The following DPP10 variants were observed in gnomAD, a reference collection of about 807,000 sequenced individuals.
The protein encoded by DPP10 is inactive dipeptidyl peptidase 10.
In DPP10, 33 loss-of-function variants were observed where a neutral mutation model predicts 120.9. The observed-to-expected ratio is 0.27, with a 90% CI of 0.21 to 0.37. The LOEUF (loss-of-function observed/expected upper bound fraction) is 0.37. DPP10 is among the 10% of genes least tolerant of loss of function. The probability of loss-of-function intolerance (pLI) is 1.00; values close to 1 mark genes in which losing one functional copy is unlikely to be tolerated. For missense variants in DPP10, 816 were observed against 942.8 expected, an observed-to-expected ratio of 0.87 and a Z score of 1.76; for synonymous variants, 337 against 326.1, an observed-to-expected ratio of 1.03 and a Z score of -0.36.
At chr2:115,553,941 T>G (rs532466931) in intron 5 of DPP10, among the ~76,000 whole-genome samples, 1 of 151,294 alleles carries the variant, frequency 6.6e-6, no homozygotes, top group Non-Finnish European at 1.5e-5. Flanking sequence ...AAGTGAATAC[T>G]GGAGAGGGCC....
intron 1 of DPP10, among the ~76,000 whole-genome samples, chr2:114,722,542 C>T (rs1018798328): frequency 4.0e-5 from 6 of 151,710 alleles, no homozygotes; most frequent in Non-Finnish European, 8.8e-5. Flanking sequence ...TTTGGGAGGC[C>T]GAGGCGGGTG....
intron 1 of DPP10, among the ~76,000 whole-genome samples, chr2:114,861,257 G>A (rs1240108650): frequency 1.3e-5 from 2 of 152,164 alleles, no homozygotes; most frequent in Non-Finnish European, 2.9e-5. Flanking sequence ...TCACAAGCAG[G>A]TGGGCACAGA....
At chr2:115,379,826 G>C (rs1023979046) in intron 3 of DPP10, among the ~76,000 whole-genome samples, 3 of 152,184 alleles carry the variant, frequency 2.0e-5, no homozygotes. Context: ...TAGTCATTCA[G>C]GAGCAGGTTC....
At chr2:114,907,047 C>G (rs1237210720) in intron 1 of DPP10, among the ~76,000 whole-genome samples, 1 of 151,974 alleles carries the variant, frequency 6.6e-6, no homozygotes, top group Non-Finnish European at 1.5e-5. Flanking sequence ...TTTCTTGAAT[C>G]AGTCTTGGTA....
chr2:114,716,095 C>T (rs983593953), intron 1 of DPP10, among the ~76,000 whole-genome samples: 3 of 149,442 alleles, frequency 2.0e-5, no homozygotes, highest in African/African-American at 7.3e-5. Flanking sequence ...TTTAGAAAAT[C>T]AGTCAATCAG....
At chr2:114,589,666 A>C (rs1390766590) in intron 1 of DPP10, among the ~76,000 whole-genome samples, 2 of 152,220 alleles carry the variant, frequency 1.3e-5, no homozygotes, top group Non-Finnish European at 2.9e-5. Context: ...TAATACATTG[A>C]ATAATTATCT....
At chr2:114,572,979 CTTTG>C (rs959534673) in intron 1 of DPP10, among the ~76,000 whole-genome samples, 15 of 152,208 alleles carry the variant, frequency 9.9e-5, no homozygotes, top group African/African-American at 2.2e-4. Flanking sequence ...TTCATTTAGT[CTTTG>C]TTTGTTTGTT....
chr2:115,330,519 T>A (rs1447764937), intron 2 of DPP10, among the ~76,000 whole-genome samples: 2 of 151,952 alleles, frequency 1.3e-5, no homozygotes, highest in African/African-American at 4.8e-5. Context: ...CATGCCTATG[T>A]ACTGAATGGT....
chr2:115,680,809 A>G (rs2090600836), intron 5 of DPP10, among the ~76,000 whole-genome samples: 1 of 151,984 alleles, frequency 6.6e-6, no homozygotes. Context: ...ACATAAAAAC[A>G]AAGTTATAAT....
At chr2:115,658,214 G>A (rs2088573475) in intron 5 of DPP10, among the ~76,000 whole-genome samples, 1 of 151,928 alleles carries the variant, frequency 6.6e-6, no homozygotes, top group Non-Finnish European at 1.5e-5. Flanking sequence ...AAAGAGAACT[G>A]CAGCTGCATA....
intron 5 of DPP10, among the ~76,000 whole-genome samples, chr2:115,528,830 A>G (rs2078287399): frequency 6.6e-6 from 1 of 152,106 alleles, no homozygotes; most frequent in Admixed American, 6.6e-5. Flanking sequence ...GAAATGAAGA[A>G]GAGATTAGTA....
intron 4 of DPP10, among the ~76,000 whole-genome samples, chr2:115,506,742 C>A (rs1403592870): frequency 1.3e-5 from 2 of 151,918 alleles, no homozygotes. Context: ...AGATATTGAT[C>A]TATCTATATC....
At chr2:115,672,646 C>CTTTCTT (rs1413427509) in intron 5 of DPP10, among the ~76,000 whole-genome samples, 2 of 21,580 alleles carry the variant, frequency 9.3e-5, no homozygotes, top group South Asian at 1.3e-3. Flanking sequence ...CTTTCTTTCT[C>CTTTCTT]TCTCTCTTTC....
At chr2:115,749,637 T>C (rs1489654539) in intron 10 of DPP10, among the ~76,000 whole-genome samples, 1 of 152,216 alleles carries the variant, frequency 6.6e-6, no homozygotes, top group Non-Finnish European at 1.5e-5. Flanking sequence ...ATAACCCTTC[T>C]GACAAGTAAT....
intron 1 of DPP10, among the ~76,000 whole-genome samples, chr2:114,965,617 G>C (rs937388607): frequency 5.3e-5 from 8 of 151,476 alleles, no homozygotes; most frequent in Non-Finnish European, 2.9e-5. Context: ...ACCTTCAAGG[G>C]AGTAAGTATG....
At chr2:115,446,667 T>C (rs969373810) in intron 3 of DPP10, among the ~76,000 whole-genome samples, 5 of 152,062 alleles carry the variant, frequency 3.3e-5, no homozygotes, top group Admixed American at 3.3e-4. Flanking sequence ...CCATATATCT[T>C]CCTGAAGCTG....
chr2:115,619,174 G>A (rs896249507), intron 5 of DPP10, among the ~76,000 whole-genome samples: 15 of 140,604 alleles, frequency 1.1e-4, no homozygotes, highest in South Asian at 2.2e-4. Context: ...GTGCAGTAGC[G>A]TGATCTCGGC....
intron 2 of DPP10, among the ~76,000 whole-genome samples, chr2:115,335,296 C>T (rs2106203637): frequency 6.6e-6 from 1 of 151,838 alleles, no homozygotes; most frequent in Non-Finnish European, 1.5e-5. Flanking sequence ...AGGGACATAG[C>T]CAAACCATAT....
intron 1 of DPP10, among the ~76,000 whole-genome samples, chr2:114,558,802 A>T (rs1688526953): frequency 6.6e-6 from 1 of 152,252 alleles, no homozygotes; most frequent in African/African-American, 2.4e-5. Context: ...TGCTATAAGC[A>T]TCTGGGGGCT....
Sources: allele counts gnomAD v4.1 joint callset (sites outside exome capture counted in the v4.1 genomes callset), GRCh38; gene constraint gnomAD v4.1.1; transcripts MANE v1.5; gene names NCBI Gene and HGNC (gene_info 2026-07-23, HGNC 2026-07-21).